Variants in SEC23A observed in about 807,000 individuals in gnomAD.
The protein encoded by SEC23A is protein transport protein Sec23A.
Under a neutral mutation model 103.7 loss-of-function variants are expected in SEC23A, and 56 were observed. The ratio of observed to expected loss-of-function variants is 0.54; its 90% CI spans 0.44 to 0.67. The LOEUF is 0.67. Among genes scored for constraint, SEC23A ranks in the 30% least tolerant of loss-of-function variants. The pLI is 0.00. For missense variants in SEC23A, 784 were observed against 936.4 expected, an observed-to-expected ratio of 0.84 and a Z score of 2.12; for synonymous variants, 281 against 293.0, an observed-to-expected ratio of 0.96 and a Z score of 0.42.
rs1333429994 is a variant in SEC23A, at chr14:39,090,949, G to A, written c.603+528C>T. On this transcript the variant is annotated intron_variant, in intron 5 of 19. Coordinates refer to ENST00000307712, the MANE Select transcript of SEC23A (RefSeq NM_006364.4). The stretch of plus-strand genomic sequence containing the variant: ...CAGGAGCTTCATCTGCAATGTAGGG[G>A]CTGGTGGACCTGCTCCAACAGTTGG... The A allele has an allele frequency of 9.2e-6, 3 of 326,076 alleles. No individual in the cohort carries two copies. The Admixed American group carries it at 1.3e-4, about 14-fold the overall frequency. The allele number at this position is 326,076 out of a possible 1,614,324, so 20.2% of individuals were successfully genotyped here.
chr14:39,089,527 T>C (rs1378416405), intron 5 of SEC23A, among the ~76,000 whole-genome samples: 2 of 152,220 alleles, frequency 1.3e-5, no homozygotes, highest in Non-Finnish European at 2.9e-5. Flanking sequence ...ACTTTCCTCA[T>C]CTCACTCTTG....
chr14:39,092,488 T>G (rs1887695890), intron 4 of SEC23A, 53 bp downstream of exon 4: 2 of 991,846 alleles, frequency 2.0e-6, no homozygotes. Context: ...ATTTAACAAT[T>G]CTTTCAGTAT....
rs764304291 is a variant in SEC23A, at chr14:39,031,980, T to C, written c.*1259A>G. On this transcript the variant is annotated 3_prime_UTR_variant, in exon 20 of 20. Transcript: ENST00000307712. ...AGCGTAGTTCAATTCAAATAAAATA[T>C]AACAAAGCAACTTATTTAAGCTAAT... 6 of 152,654 alleles carry C rather than the reference T, an allele frequency of 3.9e-5. No individual in the cohort carries two copies. Among genetic ancestry groups the C allele is most frequent in the Non-Finnish European group, 8.8e-5 (6 of 68,034 alleles). The allele number at this position is 152,654 out of a possible 1,614,324, so 9.5% of individuals were successfully genotyped here. A position where few individuals can be genotyped will look rare whatever the true frequency, so the allele number is the denominator to read the frequency against.
At chr14:39,042,923 T>C in intron 16 of SEC23A, 51 bp from the exon 17 acceptor site, 1 of 1,039,790 alleles carries the variant, frequency 9.6e-7, no homozygotes, top group Non-Finnish European at 1.5e-6. Context: ...AATAATCTAC[T>C]CAATAATATA....
chr14:39,082,893 T>A (rs574967444), intron 7 of SEC23A, among the ~76,000 whole-genome samples: 32 of 152,316 alleles, frequency 2.1e-4, no homozygotes, highest in African/African-American at 7.7e-4. Flanking sequence ...CAGGAAAGAT[T>A]GAGGAACTGT....
chr14:39,096,271 C>G, intron 1 of SEC23A, 132 bp from the exon 2 acceptor site: 1 of 658,154 alleles, frequency 1.5e-6, no homozygotes, highest in Non-Finnish European at 2.6e-6. Flanking sequence ...TGGCTCACGC[C>G]GGTAATCCCA....
In SEC23A at chr14:39,092,479, T is replaced by C. The variant is rs986252099; in HGVS notation, c.366+62A>G. On this transcript the variant is annotated intron_variant, in intron 4 of 19. Coordinates refer to ENST00000307712, the MANE Select transcript of SEC23A (RefSeq NM_006364.4). ...CATGATTCCTTCTAAATCATCATAA[T>C]TTAACAATTCTTTCAGTATAAATTT... 8 of 956,002 alleles carry C rather than the reference T, an allele frequency of 8.4e-6. No individual in the cohort carries two copies. In the African/African-American group the frequency reaches 1.2e-4, roughly 14 times the overall value. The allele number at this position is 956,002 out of a possible 1,614,324, so 59.2% of individuals were successfully genotyped here. A position where few individuals can be genotyped will look rare whatever the true frequency, so the allele number is the denominator to read the frequency against.
chr14:39,041,111 C>A (rs545996553), intron 17 of SEC23A: 110 of 438,972 alleles, frequency 2.5e-4, no homozygotes, highest in Admixed American at 8.8e-4. Flanking sequence ...AGAATACTTA[C>A]ATAAGTCAGA....
At chr14:39,087,194 T>C (rs966585443) in intron 5 of SEC23A, among the ~76,000 whole-genome samples, 186 bp from the exon 6 acceptor site, 17 of 152,032 alleles carry the variant, frequency 1.1e-4, no homozygotes, top group African/African-American at 4.1e-4. Context: ...CACAAAATAA[T>C]CATCATGAGA....
At chr14:39,067,423 T>C in intron 9 of SEC23A, 127 bp from the exon 10 acceptor site, 1 of 964,758 alleles carries the variant, frequency 1.0e-6, no homozygotes, top group Non-Finnish European at 1.5e-6. Context: ...AAATGTGCTG[T>C]ATTACTAATT....
intron 10 of SEC23A, 85 bp downstream of exon 10, chr14:39,067,088 T>C (rs1185456732): frequency 6.6e-7 from 1 of 1,510,128 alleles, no homozygotes; most frequent in African/African-American, 1.4e-5. Context: ...AATATTAAAT[T>C]TGATTAATGG....
chr14:39,080,235 G>A (rs1262509636), intron 7 of SEC23A, among the ~76,000 whole-genome samples: 2 of 152,038 alleles, frequency 1.3e-5, no homozygotes, highest in African/African-American at 4.8e-5. Context: ...ACACAGAAGA[G>A]AGAAGAGGGA....
At chr14:39,053,982 A>T (rs955750105) in intron 14 of SEC23A, among the ~76,000 whole-genome samples, 4 of 152,248 alleles carry the variant, frequency 2.6e-5, no homozygotes, top group African/African-American at 9.6e-5. Flanking sequence ...AATTTTTTTT[A>T]AATTAGCCAG....
intron 15 of SEC23A, among the ~76,000 whole-genome samples, chr14:39,047,128 C>A (rs944385576): frequency 2.0e-5 from 3 of 152,252 alleles, no homozygotes; most frequent in Admixed American, 6.5e-5. Flanking sequence ...AGAAGATTAT[C>A]AGACTTTGAA....
At chr14:39,051,327 T>C (rs1217066480) in intron 14 of SEC23A, among the ~76,000 whole-genome samples, 1 of 152,208 alleles carries the variant, frequency 6.6e-6, no homozygotes, top group African/African-American at 2.4e-5. Context: ...CTTCCTTCAG[T>C]CATTATCATA....
At chr14:39,083,935 G>T (rs1566506969) in intron 7 of SEC23A, among the ~76,000 whole-genome samples, 2 of 152,012 alleles carry the variant, frequency 1.3e-5, no homozygotes. Context: ...ATAGTTTGGA[G>T]AAAAAAATTA....
rs142023667 is a variant in SEC23A at position 39,053,157 on chromosome 14, C to A, written c.1659+1986G>T. 2.2e-3 allele frequency among the ~76,000 whole-genome samples: 336 copies of A among 152,134 alleles called. 3 individuals carry two copies. Among genetic ancestry groups the A allele is most frequent in the African/African-American group, 7.4e-3 (309 of 41,502 alleles). On this transcript the variant is annotated intron_variant, in intron 14 of 19. Transcript: ENST00000307712. ...TCTCAAAACAAAAAAAAGATGTAGT[C>A]TGAGAAATTGAAAAGGTCCCATTTA...
intron 14 of SEC23A, among the ~76,000 whole-genome samples, chr14:39,051,144 C>A (rs1294511084): frequency 6.6e-6 from 1 of 152,228 alleles, no homozygotes; most frequent in African/African-American, 2.4e-5. Context: ...TTCTTTCCCT[C>A]AATTTAGCAT....
chr14:39,066,490 T>TAA (rs1555328382), intron 10 of SEC23A, among the ~76,000 whole-genome samples: 23 of 149,392 alleles, frequency 1.5e-4, no homozygotes, highest in African/African-American at 5.7e-4. Flanking sequence ...TTTTTTTTTT[T>TAA]AAAAAAAACA....
Sources: gnomAD v4.1 joint callset for allele counts (sites outside exome capture counted in the v4.1 genomes callset) on GRCh38, gnomAD v4.1.1 for gene constraint, MANE v1.5 for transcripts, NCBI Gene and HGNC (gene_info 2026-07-23, HGNC 2026-07-21) for gene names.